Variants in RAD52 observed in about 807,000 individuals in gnomAD.
The protein encoded by RAD52 is DNA repair protein RAD52 homolog.
RAD52 carries 47 observed loss-of-function variants against 55.5 expected under a neutral mutation model. That is an observed-to-expected ratio of 0.85 (90% CI 0.67 to 1.08). The LOEUF is 1.08. Among genes scored for constraint, RAD52 ranks in the 50% least tolerant of loss-of-function variants. The pLI, the probability that RAD52 is intolerant of heterozygous loss-of-function variation, is 0.00. For synonymous variants in RAD52, 184 were observed against 198.9 expected, an observed-to-expected ratio of 0.92 and a Z score of 0.63; for missense variants, 468 against 522.8, an observed-to-expected ratio of 0.90 and a Z score of 1.02.
At chr12:971,808 C>T (rs1177352745) in intron 1 of RAD52, among the ~76,000 whole-genome samples, 3 of 151,616 alleles carry the variant, frequency 2.0e-5, no homozygotes, top group South Asian at 2.1e-4. Context: ...AGTGCAGTGG[C>T]GCGATCTCGG....
intron 1 of RAD52, among the ~76,000 whole-genome samples, chr12:933,518 G>A (rs1344993458): frequency 6.6e-6 from 1 of 151,358 alleles, no homozygotes; most frequent in East Asian, 1.9e-4. Context: ...AAGCTTCTAA[G>A]CACTGCTCCA....
chr12:925,608 C>A, intron 6 of RAD52, 83 bp from the exon 7 acceptor site: 1 of 1,160,144 alleles, frequency 8.6e-7, no homozygotes, highest in Non-Finnish European at 1.3e-6. Flanking sequence ...AACTTTTGTA[C>A]AGGTTGCTTC....
At chr12:949,547 T>G (rs1958452439) in intron 1 of RAD52, 55 bp downstream of exon 1, 2 of 152,522 alleles carry the variant, frequency 1.3e-5, no homozygotes, top group East Asian at 3.9e-4. Context: ...CTTCCCACGC[T>G]CCACACCCAC....
chr12:943,775 T>A (rs1449271183), intron 1 of RAD52, among the ~76,000 whole-genome samples: 1 of 146,388 alleles, frequency 6.8e-6, no homozygotes, highest in Admixed American at 7.1e-5. Flanking sequence ...TCTTTGTGTG[T>A]GTGGTTTTTT....
intron 1 of RAD52, among the ~76,000 whole-genome samples, chr12:964,672 G>C (rs1379575269): frequency 6.6e-6 from 1 of 152,008 alleles, no homozygotes; most frequent in Non-Finnish European, 1.5e-5. Flanking sequence ...TCAACCTTCT[G>C]AACTCAAGAG....
At chr12:949,119 G>A (rs753183681) in intron 1 of RAD52, among the ~76,000 whole-genome samples, 2 of 152,060 alleles carry the variant, frequency 1.3e-5, no homozygotes, top group African/African-American at 2.4e-5. Flanking sequence ...GTCGTGGTAC[G>A]GGTGCGATCT....
intron 1 of RAD52, among the ~76,000 whole-genome samples, chr12:977,378 A>G (rs1260337582): frequency 6.6e-6 from 1 of 152,178 alleles, no homozygotes; most frequent in East Asian, 1.9e-4. Flanking sequence ...CCCCAGAGGA[A>G]GGTCACATAT....
chr12:939,085 T>TGTGTGTAG (rs57206780), intron 1 of RAD52, among the ~76,000 whole-genome samples: 4,090 of 144,602 alleles, frequency 0.028, 66 homozygotes, highest in African/African-American at 0.033. Flanking sequence ...TGTGTGTGTG[T>TGTGTGTAG]AGAGAGAGAG....
chr12:925,460 A>C lies in RAD52; in HGVS notation c.533T>G (p.Leu178Arg), dbSNP rs774802853. Residue 178 changes from leucine to arginine, a missense_variant, in exon 7 of 12, where the codon CTT becomes CGT. By Grantham distance (102) the Leu-to-Arg change is moderately radical. Transcript: ENST00000358495. Reference protein sequence around the residue: ...DKDYLRSLNKLPRQLPLEVDL... With the variant: ...DKDYLRSLNKRPRQLPLEVDL... ...CCATGTCTGATATACCTGGCGTGGA[A>C]GCTTATTTAGTGATCTCAGGTAGTC... 3 of 1,613,598 alleles carry C rather than the reference A, an allele frequency of 1.9e-6. No homozygotes were observed. In the South Asian group the frequency reaches 3.3e-5, roughly 18 times the overall value.
At chr12:945,361 T>G (rs1958158018) in intron 1 of RAD52, among the ~76,000 whole-genome samples, 1 of 145,364 alleles carries the variant, frequency 6.9e-6, no homozygotes, top group Non-Finnish European at 1.5e-5. Flanking sequence ...AAAAAAAAAG[T>G]AGAAAAAAAA....
intron 7 of RAD52, among the ~76,000 whole-genome samples, chr12:919,918 G>A (rs1305536998): frequency 1.7e-5 from 2 of 117,950 alleles, no homozygotes; most frequent in Non-Finnish European, 3.6e-5. Flanking sequence ...TGGGTGTGGT[G>A]GCACACACCT....
intron 1 of RAD52, among the ~76,000 whole-genome samples, chr12:942,092 G>C (rs1771869933): frequency 6.6e-6 from 1 of 152,064 alleles, no homozygotes; most frequent in Non-Finnish European, 1.5e-5. Context: ...CTGTAAAACT[G>C]GTAAAGATAA....
rs188602234 is a variant in RAD52, at chr12:927,781, A to G, written c.349-518T>C. Among the ~76,000 whole-genome samples, 29 of 152,000 alleles carry G rather than the reference A, an allele frequency of 1.9e-4. No individual in the cohort carries two copies. In the East Asian group the frequency reaches 5.6e-3, roughly 30 times the overall value. ...CTCAGGAGACTGAGGCAGGAGAATC[A>G]CTTGAACCTGGGAGGCAGAGGTTGC... is the stretch of plus-strand genomic sequence containing the variant. On this transcript the variant is annotated intron_variant, in intron 5 of 11. Coordinates refer to ENST00000358495, the MANE Select transcript of RAD52 (RefSeq NM_134424.4).
chr12:927,791 G>A (rs1195399263), intron 5 of RAD52, among the ~76,000 whole-genome samples: 3 of 152,018 alleles, frequency 2.0e-5, no homozygotes, highest in African/African-American at 7.2e-5. Context: ...ACTTGAACCT[G>A]GGAGGCAGAG....
At chr12:926,138 C>T (rs1048654636) in intron 6 of RAD52, among the ~76,000 whole-genome samples, 1 of 152,094 alleles carries the variant, frequency 6.6e-6, no homozygotes, top group African/African-American at 2.4e-5. Context: ...TCATAAACAG[C>T]TTAGTGCCAT....
intron 1 of RAD52, among the ~76,000 whole-genome samples, chr12:946,023 C>G (rs948572063): frequency 6.6e-6 from 1 of 150,968 alleles, no homozygotes; most frequent in African/African-American, 2.4e-5. Flanking sequence ...AACTCCGTCT[C>G]AAAAAAAACA....
intron 1 of RAD52, among the ~76,000 whole-genome samples, chr12:985,325 A>T (rs1247730175): frequency 1.3e-5 from 2 of 151,930 alleles, no homozygotes; most frequent in Non-Finnish European, 2.9e-5. Flanking sequence ...AATTTTTTGC[A>T]GACATGGGGG....
Position 914,492 on chromosome 12 carries a change from T to TA in RAD52, c.905dup (p.Thr303AsnfsTer24), listed in dbSNP as rs766104736. On this transcript the variant is annotated frameshift_variant, in exon 10 of 12. Coordinates refer to ENST00000358495, the MANE Select transcript of RAD52 (RefSeq NM_134424.4). LOFTEE classifies it high-confidence loss of function. The stretch of plus-strand genomic sequence containing the variant: ...TCTCCAGGAGTGGTTCTGAGACAGT[T>TA]ACAGGAGTGCTGTGCGTCACAGGAG... The TA allele has an allele frequency of 6.2e-7, 1 of 1,613,644 alleles. No individual in the cohort carries two copies. Among genetic ancestry groups the TA allele is most frequent in the Non-Finnish European group, 8.5e-7 (1 of 1,179,808 alleles).
intron 1 of RAD52, among the ~76,000 whole-genome samples, chr12:981,824 TTC>T (rs1959020837): frequency 1.5e-5 from 1 of 65,006 alleles, no homozygotes; most frequent in Non-Finnish European, 4.2e-5. Context: ...GCAAGGCAAA[TTC>T]TGTTGAACTT....
Sources: gnomAD v4.1 joint callset for allele counts (sites outside exome capture counted in the v4.1 genomes callset) on GRCh38, gnomAD v4.1.1 for gene constraint, MANE v1.5 for transcripts, NCBI Gene and HGNC (gene_info 2026-07-23, HGNC 2026-07-21) for gene names.